SH3RF1: variants seen among roughly 807,000 people sequenced by gnomAD.
SH3RF1 encodes the protein SH3 domain containing ring finger 1.
SH3RF1 carries 32 observed loss-of-function variants against 74.0 expected under a neutral mutation model. That is an observed-to-expected ratio of 0.43 (90% CI 0.33 to 0.58). The LOEUF is 0.58. Ranked by LOEUF, SH3RF1 falls within the 20% of genes least tolerant of loss-of-function variation. The pLI is 0.05. For synonymous variants in SH3RF1, 396 were observed against 439.6 expected (o/e 0.90, Z 1.24); for missense variants, 954 against 1,130.9 (o/e 0.84, Z 2.24).
At chr4:169,167,629 T>C (rs1457201084) in intron 2 of SH3RF1, among the ~76,000 whole-genome samples, 1 of 152,142 alleles carries the variant, frequency 6.6e-6, no homozygotes, top group Admixed American at 6.5e-5. Flanking sequence ...AAAAATACTA[T>C]ATGATTACAT....
chr4:169,222,983 C>T (rs1420306006), intron 2 of SH3RF1, among the ~76,000 whole-genome samples: 1 of 152,160 alleles, frequency 6.6e-6, no homozygotes, highest in Non-Finnish European at 1.5e-5. Context: ...TGTGGCACCC[C>T]TCGTGGTTTG....
chr4:169,233,762 A>G lies in SH3RF1; in HGVS notation c.393+35058T>C, dbSNP rs149379992. On this transcript the variant is annotated intron_variant, in intron 2 of 11. Transcript: ENST00000284637. Reference sequence around the variant, plus strand: ...CTCCCTCTACCCTATTATTTCACAGAACCATTACTCTTTCATACTTGTCAG... The same window carrying G: ...CTCCCTCTACCCTATTATTTCACAGGACCATTACTCTTTCATACTTGTCAG... Among the ~76,000 whole-genome samples the G allele has an allele frequency of 4.4e-3, 671 of 152,294 alleles. 5 individuals carry two copies. Among genetic ancestry groups the G allele is most frequent in the African/African-American group, 0.016 (646 of 41,564 alleles).
Position 169,117,585 on chromosome 4 carries a change from T to G in SH3RF1, c.1715A>C (p.Lys572Thr). ...TTGCCCCGTCATGTGCAACAAGACC[T>G]TAGCCTGAGGACTTGTCTGGATGTG... ...AAHIQTSPQA[K>T]VLLHMTGQMT... is the part of the protein sequence containing the mutation. The change falls in exon 9 of 12, where the codon AAG (lysine) becomes ACG (threonine). Residue 572 changes from lysine (K) to threonine (T), a missense_variant. Physicochemically the swap from Lys to Thr is moderately conservative, Grantham distance 78 (BLOSUM62 -1). Transcript: ENST00000284637. 1 of 1,614,232 alleles carries G rather than the reference T, an allele frequency of 6.2e-7. No homozygotes were observed. Among genetic ancestry groups the G allele is most frequent in the Non-Finnish European group, 8.5e-7 (1 of 1,180,032 alleles).
At position 169,230,579 on chromosome 4, in the gene SH3RF1, G is replaced by A. The variant is rs183132839; in HGVS notation, c.393+38241C>T. Among the ~76,000 whole-genome samples the A allele has an allele frequency of 4.2e-3, 634 of 152,050 alleles. 3 individuals carry two copies. The highest frequency in any genetic ancestry group is 5.6e-3 in the South Asian group (27 of 4,816). Reference sequence around the variant, plus strand: ...ATTATTCAAATATCACTGATTCCACGTGGGCGCAGTGACTCACACCTGTAT... The same window carrying A: ...ATTATTCAAATATCACTGATTCCACATGGGCGCAGTGACTCACACCTGTAT... On this transcript the variant is annotated intron_variant, in intron 2 of 11. Transcript: ENST00000284637.
At chr4:169,113,862 T>C (rs941130821) in intron 10 of SH3RF1, among the ~76,000 whole-genome samples, 3 of 152,134 alleles carry the variant, frequency 2.0e-5, no homozygotes, top group African/African-American at 4.8e-5. Flanking sequence ...GGTATAGCAT[T>C]AGAGAAAAGA....
rs529602247 is a variant in SH3RF1, at chr4:169,199,616, C to CA, written c.394-42938dup. Reference sequence around the variant, plus strand: ...TGGAAAATGTGGCTTAGTGAATGCGCAAAAAAAAAAAAATAAATAAATAAC... The same window carrying CA: ...TGGAAAATGTGGCTTAGTGAATGCGCAAAAAAAAAAAAAATAAATAAATAAC... On this transcript the variant is annotated intron_variant, in intron 2 of 11. Transcript: ENST00000284637. Among the ~76,000 whole-genome samples, 985 of 140,984 alleles carry CA rather than the reference C, an allele frequency of 7.0e-3. 7 individuals are homozygous for CA. Among genetic ancestry groups the CA allele is most frequent in the African/African-American group, 0.023 (875 of 37,460 alleles). 92.5% of individuals were successfully genotyped at this position (140,984 alleles called of 152,430 possible).
chr4:169,238,253 C>T (rs900796800), intron 2 of SH3RF1, among the ~76,000 whole-genome samples: 3 of 152,152 alleles, frequency 2.0e-5, no homozygotes, highest in Admixed American at 2.0e-4. Context: ...GTACCTACAC[C>T]TACCTGCACT....
intron 2 of SH3RF1, among the ~76,000 whole-genome samples, chr4:169,184,283 A>T (rs1296802498): frequency 6.6e-6 from 1 of 152,194 alleles, no homozygotes; most frequent in East Asian, 1.9e-4. Context: ...TCACCTCTAA[A>T]TTTTAAGGTG....
chr4:169,146,120 T>C (rs1310057222), intron 4 of SH3RF1, among the ~76,000 whole-genome samples: 1 of 140,228 alleles, frequency 7.1e-6, no homozygotes, highest in Admixed American at 7.2e-5. Context: ...ATATTCTATA[T>C]ATTCTATATA....
intron 2 of SH3RF1, among the ~76,000 whole-genome samples, chr4:169,192,722 G>A (rs1037572886): frequency 2.0e-5 from 3 of 151,210 alleles, no homozygotes; most frequent in Non-Finnish European, 4.4e-5. Flanking sequence ...TTGCAAAAAC[G>A]TGAAACCAAC....
At chr4:169,135,538 C>T (rs1733685411) in intron 5 of SH3RF1, among the ~76,000 whole-genome samples, 1 of 152,144 alleles carries the variant, frequency 6.6e-6, no homozygotes, top group African/African-American at 2.4e-5. Flanking sequence ...ATGATAGCAG[C>T]CCCGTGGCTT....
intron 2 of SH3RF1, among the ~76,000 whole-genome samples, chr4:169,180,991 G>A (rs1336955485): frequency 2.6e-5 from 4 of 152,088 alleles, no homozygotes; most frequent in Non-Finnish European, 5.9e-5. Flanking sequence ...TCACAAATTC[G>A]CTCTAGGGAC....
intron 10 of SH3RF1, among the ~76,000 whole-genome samples, chr4:169,107,831 A>G (rs1733172271): frequency 6.6e-6 from 1 of 152,232 alleles, no homozygotes; most frequent in African/African-American, 2.4e-5. Flanking sequence ...ATAAAACAGA[A>G]GTCAAACCAC....
intron 2 of SH3RF1, among the ~76,000 whole-genome samples, chr4:169,257,407 C>G (rs1731207657): frequency 2.0e-5 from 3 of 152,188 alleles, no homozygotes; most frequent in Admixed American, 2.0e-4. Flanking sequence ...CTGACTTACT[C>G]CTGTTGACTC....
chr4:169,246,667 G>T (rs994433541), intron 2 of SH3RF1, among the ~76,000 whole-genome samples: 1 of 152,218 alleles, frequency 6.6e-6, no homozygotes, highest in Non-Finnish European at 1.5e-5. Flanking sequence ...AGACCTGTTT[G>T]GAATCCTTTG....
At chr4:169,264,166 C>T (rs1237235695) in intron 2 of SH3RF1, among the ~76,000 whole-genome samples, 1 of 152,206 alleles carries the variant, frequency 6.6e-6, no homozygotes, top group Non-Finnish European at 1.5e-5. Flanking sequence ...AATGTATTTC[C>T]TCACAGTTCT....
chr4:169,242,901 T>A (rs139035508), intron 2 of SH3RF1, among the ~76,000 whole-genome samples: 1 of 152,210 alleles, frequency 6.6e-6, no homozygotes, highest in Non-Finnish European at 1.5e-5. Flanking sequence ...TCATTATAAA[T>A]CACCCAGCCT....
At chr4:169,134,823 C>T (rs1476368960) in intron 5 of SH3RF1, among the ~76,000 whole-genome samples, 1 of 152,206 alleles carries the variant, frequency 6.6e-6, no homozygotes, top group Non-Finnish European at 1.5e-5. Context: ...TTCTGCATGT[C>T]TTATGTCTGC....
At chr4:169,193,498 T>C (rs964365760) in intron 2 of SH3RF1, among the ~76,000 whole-genome samples, 20 of 152,216 alleles carry the variant, frequency 1.3e-4, no homozygotes, top group Non-Finnish European at 2.9e-4. Flanking sequence ...AGGGCTGTTA[T>C]GTTTTACTTC....
Sources: allele counts gnomAD v4.1 joint callset (sites outside exome capture counted in the v4.1 genomes callset), GRCh38; gene constraint gnomAD v4.1.1; transcripts MANE v1.5; gene names NCBI Gene and HGNC (gene_info 2026-07-23, HGNC 2026-07-21).